KCNN3: variants seen among roughly 807,000 people sequenced by gnomAD.
KCNN3 encodes the protein small conductance calcium-activated potassium channel protein 3.
In KCNN3, 16 loss-of-function variants were observed where a neutral mutation model predicts 62.9. The ratio of observed to expected loss-of-function variants is 0.25; its 90% CI spans 0.17 to 0.39. The LOEUF (loss-of-function observed/expected upper bound fraction) is 0.39, where lower values mean the gene tolerates loss of function less well. KCNN3 is among the 10% of genes least tolerant of loss of function. The pLI, the probability that KCNN3 is intolerant of heterozygous loss-of-function variation, is 1.00. For synonymous variants in KCNN3, 370 were observed against 389.2 expected (o/e 0.95, Z 0.58); for missense variants, 599 against 949.4 (o/e 0.63, Z 4.85).
intron 1 of KCNN3, among the ~76,000 whole-genome samples, chr1:154,845,835 A>G (rs1272079936): frequency 6.6e-6 from 1 of 152,182 alleles, no homozygotes; most frequent in Non-Finnish European, 1.5e-5. Context: ...TGTTTAGTAA[A>G]TAATAGTAAT....
At chr1:154,812,528 A>G (rs1054493850) in intron 2 of KCNN3, among the ~76,000 whole-genome samples, 24 of 151,598 alleles carry the variant, frequency 1.6e-4, no homozygotes, top group African/African-American at 5.8e-4. Flanking sequence ...TGTCCTTGCG[A>G]TAGTTTGCTG....
chr1:154,816,689 C>A (rs1177916331), intron 2 of KCNN3, among the ~76,000 whole-genome samples: 1 of 152,234 alleles, frequency 6.6e-6, no homozygotes, highest in Non-Finnish European at 1.5e-5. Context: ...TGGGCATCAA[C>A]ACCCCTCACC....
chr1:154,868,776 A>G lies in KCNN3; in HGVS notation c.933+256T>C, dbSNP rs185479711. Among the ~76,000 whole-genome samples the G allele has an allele frequency of 1.5e-3, 231 of 152,186 alleles. 2 individuals are homozygous for G. Among genetic ancestry groups the G allele is most frequent in the African/African-American group, 5.3e-3 (219 of 41,534 alleles). On this transcript the variant is annotated intron_variant, in intron 1 of 7. Coordinates refer to ENST00000271915, the MANE Select transcript of KCNN3 (RefSeq NM_002249.6). ...TGTCCCCTACCCCCCAGAGGAAGCT[A>G]GGAATGAATTCTCCCGGGATCAAGA...
intron 3 of KCNN3, among the ~76,000 whole-genome samples, chr1:154,749,917 C>T (rs917496403): frequency 1.3e-5 from 2 of 152,200 alleles, no homozygotes; most frequent in African/African-American, 4.8e-5. Context: ...TGTCCCTGAC[C>T]TCTCGCCTCT....
intron 1 of KCNN3, among the ~76,000 whole-genome samples, chr1:154,865,113 T>C (rs2101938143): frequency 6.6e-6 from 1 of 152,110 alleles, no homozygotes; most frequent in Admixed American, 6.5e-5. Context: ...GCCTTTCCCT[T>C]CCCTAATTCT....
chr1:154,806,435 C>T (rs1571295259), intron 2 of KCNN3, among the ~76,000 whole-genome samples: 5 of 152,340 alleles, frequency 3.3e-5, no homozygotes, highest in Admixed American at 3.3e-4. Flanking sequence ...ACAACATCAG[C>T]ATGTGGCCAG....
intron 3 of KCNN3, among the ~76,000 whole-genome samples, chr1:154,763,648 T>C (rs1648123920): frequency 6.6e-6 from 1 of 152,256 alleles, no homozygotes; most frequent in Admixed American, 6.5e-5. Flanking sequence ...ACGGTAGTTT[T>C]GAATTCTCTG....
chr1:154,814,470 T>C (rs957904424), intron 2 of KCNN3, among the ~76,000 whole-genome samples: 1 of 152,118 alleles, frequency 6.6e-6, no homozygotes, highest in African/African-American at 2.4e-5. Flanking sequence ...GCCGCTGCTA[T>C]AAGAGCTGGT....
intron 2 of KCNN3, among the ~76,000 whole-genome samples, chr1:154,773,359 T>C (rs1289580437): frequency 6.6e-6 from 1 of 152,230 alleles, no homozygotes; most frequent in Non-Finnish European, 1.5e-5. Flanking sequence ...TGTAAGGTCC[T>C]TTATAATAAA....
At chr1:154,821,305 G>A (rs540371624) in intron 2 of KCNN3, among the ~76,000 whole-genome samples, 8 of 152,182 alleles carry the variant, frequency 5.3e-5, no homozygotes, top group Non-Finnish European at 7.3e-5. Context: ...ATGCACATGA[G>A]GAAAAACATC....
At chr1:154,758,948 C>T (rs997941861) in intron 3 of KCNN3, among the ~76,000 whole-genome samples, 12 of 152,010 alleles carry the variant, frequency 7.9e-5, no homozygotes, top group African/African-American at 2.9e-4. Flanking sequence ...GCTGGGATTA[C>T]AGGCGCTCAC....
At chr1:154,722,509 T>C (rs371626583) in intron 5 of KCNN3, among the ~76,000 whole-genome samples, 3 of 150,554 alleles carry the variant, frequency 2.0e-5, no homozygotes, top group African/African-American at 7.3e-5. Flanking sequence ...TGCCTCAGTC[T>C]CCCGAGTACC....
At chr1:154,814,598 G>A (rs1022954103) in intron 2 of KCNN3, among the ~76,000 whole-genome samples, 3 of 152,194 alleles carry the variant, frequency 2.0e-5, no homozygotes, top group Non-Finnish European at 2.9e-5. Context: ...AGGTGAAGGC[G>A]GCCAGGCCCA....
intron 1 of KCNN3, among the ~76,000 whole-genome samples, chr1:154,861,459 GC>G (rs1652770035): frequency 6.6e-6 from 1 of 151,972 alleles, no homozygotes; most frequent in African/African-American, 2.4e-5. Flanking sequence ...CTCCCTACAT[GC>G]CCCTGTGTGC....
intron 4 of KCNN3, among the ~76,000 whole-genome samples, chr1:154,729,767 G>A (rs1344876674): frequency 6.6e-6 from 1 of 152,162 alleles, no homozygotes; most frequent in East Asian, 1.9e-4. Context: ...TTCTAAAACT[G>A]ACATTAAGCA....
At chr1:154,858,810 A>T (rs908755810) in intron 1 of KCNN3, among the ~76,000 whole-genome samples, 2 of 150,440 alleles carry the variant, frequency 1.3e-5, no homozygotes, top group Admixed American at 6.6e-5. Context: ...GACTCAACCG[A>T]TCCTCCCGCC....
chr1:154,785,572 C>CTTTTTTTT (rs59033291), intron 2 of KCNN3, among the ~76,000 whole-genome samples: 5 of 107,978 alleles, frequency 4.6e-5, no homozygotes, highest in African/African-American at 1.5e-4. Context: ...TTTTCTTTTT[C>CTTTTTTTT]TTTTTTTTTT....
chr1:154,817,350 G>A (rs1354383696), intron 2 of KCNN3, among the ~76,000 whole-genome samples: 2 of 152,226 alleles, frequency 1.3e-5, no homozygotes, highest in African/African-American at 4.8e-5. Flanking sequence ...GGGTATATGT[G>A]CTTCAGAAGC....
Position 154,809,554 on chromosome 1 carries a change from C to T in KCNN3, c.1029+12535G>A, listed in dbSNP as rs748982853. Among the ~76,000 whole-genome samples the T allele has an allele frequency of 6.6e-6, 1 of 152,148 alleles. No individual in the cohort carries two copies. Among genetic ancestry groups the T allele is most frequent in the African/African-American group, 2.4e-5 (1 of 41,422 alleles). ...TACCTCCCAGATTTGACTTCTGGTT[C>T]GACATTTGTATCAATGGTTTAGATG... On this transcript the variant is annotated intron_variant, in intron 2 of 7. Transcript: ENST00000271915. The surrounding 1 kb of genome is among the most constrained non-coding windows in gnomAD (Gnocchi z 4.3).
Sources: gnomAD v4.1 joint callset for allele counts (sites outside exome capture counted in the v4.1 genomes callset) on GRCh38, gnomAD v4.1.1 for gene constraint, Gnocchi (gnomAD v3.1) non-coding constraint, MANE v1.5 for transcripts, NCBI Gene and HGNC (gene_info 2026-07-23, HGNC 2026-07-21) for gene names.